APBA2: variants seen among roughly 807,000 people sequenced by gnomAD.
APBA2 encodes amyloid-beta A4 precursor protein-binding family A member 2.
In APBA2, 30 loss-of-function variants were observed where a neutral mutation model predicts 75.0. That is an observed-to-expected ratio of 0.40 (90% CI 0.30 to 0.54). APBA2 has a LOEUF of 0.54. Ranked by LOEUF, APBA2 falls within the 20% of genes least tolerant of loss-of-function variation. The pLI is 0.49. For synonymous variants in APBA2, 444 were observed against 409.6 expected (o/e 1.08, Z -1.01); for missense variants, 801 against 1,016.1 (o/e 0.79, Z 2.88).
At chr15:29,000,589 G>A (rs569045455) in intron 3 of APBA2, among the ~76,000 whole-genome samples, 1 of 152,112 alleles carries the variant, frequency 6.6e-6, no homozygotes, top group South Asian at 2.1e-4. Flanking sequence ...TGAAATGGGT[G>A]GGATTTATTG....
intron 1 of APBA2, among the ~76,000 whole-genome samples, chr15:28,908,555 C>T (rs1185341363): frequency 2.6e-5 from 4 of 151,998 alleles, no homozygotes; most frequent in African/African-American, 7.3e-5. Context: ...GTGATCCACC[C>T]GCCTCCGCCT....
At chr15:29,091,000 G>T (rs1018050761) in intron 6 of APBA2, among the ~76,000 whole-genome samples, 1 of 152,146 alleles carries the variant, frequency 6.6e-6, no homozygotes, top group Non-Finnish European at 1.5e-5. Context: ...TATGGTGGGG[G>T]TACTGCATTG....
chr15:28,969,188 T>TTTA (rs2036929529), intron 2 of APBA2, among the ~76,000 whole-genome samples: 1 of 104,508 alleles, frequency 9.6e-6, no homozygotes, highest in Non-Finnish European at 2.4e-5. Flanking sequence ...TTCTTTTTTT[T>TTTA]ATTTTTTATT....
chr15:28,952,126 T>C (rs2035921961), intron 2 of APBA2, among the ~76,000 whole-genome samples: 1 of 152,094 alleles, frequency 6.6e-6, no homozygotes, highest in Non-Finnish European at 1.5e-5. Flanking sequence ...CCTAGCCTTC[T>C]GATCACTCAT....
At chr15:29,063,201 G>A (rs1293792339) in intron 4 of APBA2, among the ~76,000 whole-genome samples, 1 of 118,060 alleles carries the variant, frequency 8.5e-6, no homozygotes, top group Non-Finnish European at 1.9e-5. Flanking sequence ...CTGTATGGGT[G>A]GGGAGGGGAG....
chr15:29,101,597 A>G lies in APBA2; in HGVS notation c.1339-2A>G. On this transcript the variant is annotated splice_acceptor_variant, in intron 9 of 14. Coordinates refer to ENST00000683413, the MANE Select transcript of APBA2 (RefSeq NM_001353788.2). LOFTEE classifies it high-confidence loss of function. The stretch of plus-strand genomic sequence containing the variant: ...GACGTGGCACTGTCTCCCTCCCGAC[A>G]GGAAACCATGATGGACCACGCCTTG... The G allele has an allele frequency of 1.2e-6, 2 of 1,613,032 alleles. No individual in the cohort carries two copies. The highest frequency in any genetic ancestry group is 1.7e-6 in the Non-Finnish European group (2 of 1,179,738).
chr15:29,098,879 C>T (rs1341965830), intron 9 of APBA2, among the ~76,000 whole-genome samples: 1 of 152,200 alleles, frequency 6.6e-6, no homozygotes, highest in East Asian at 1.9e-4. Context: ...GAGGCAGCAG[C>T]CCCCACTATG....
intron 3 of APBA2, among the ~76,000 whole-genome samples, chr15:29,006,736 C>G (rs1181181890): frequency 6.6e-6 from 1 of 152,138 alleles, no homozygotes; most frequent in Admixed American, 6.5e-5. Context: ...GGAACCACCC[C>G]CATGATACAG....
At chr15:28,920,344 G>A (rs1233062414) in intron 1 of APBA2, among the ~76,000 whole-genome samples, 1 of 152,216 alleles carries the variant, frequency 6.6e-6, no homozygotes, top group Non-Finnish European at 1.5e-5. Flanking sequence ...GGGTGTGATG[G>A]GGCAAGGAAG....
intron 4 of APBA2, among the ~76,000 whole-genome samples, chr15:29,063,352 TGC>T (rs1566963269): frequency 5.7e-5 from 5 of 88,270 alleles, no homozygotes; most frequent in African/African-American, 2.7e-4. Context: ...GTATGGGTGG[TGC>T]AGGGAGTTGA....
rs571271664 is a variant in APBA2 at position 28,963,784 on chromosome 15, C to T, written c.-94-31969C>T. ...ATCCTGAACACTCTTCACTTAGCCC[C>T]GCTTCAATGTTAACATTATGCATAA... On this transcript the variant is annotated intron_variant, in intron 2 of 14. Transcript: ENST00000683413. Among the ~76,000 whole-genome samples, 5 of 152,106 alleles carry T rather than the reference C, an allele frequency of 3.3e-5. 1 individual carries two copies. The highest frequency in any genetic ancestry group is 1.9e-4 in the East Asian group (1 of 5,204).
chr15:28,952,956 T>C (rs1374908995), intron 2 of APBA2, among the ~76,000 whole-genome samples: 1 of 152,200 alleles, frequency 6.6e-6, no homozygotes, highest in African/African-American at 2.4e-5. Context: ...CCCTAGTCCA[T>C]GCTCTTTGTA....
chr15:28,986,900 G>A lies in APBA2; in HGVS notation c.-94-8853G>A, dbSNP rs147146876. Among the ~76,000 whole-genome samples the A allele has an allele frequency of 7.2e-5, 11 of 152,296 alleles. No homozygotes were observed. The Middle Eastern group carries it at 0.01, about 141-fold the overall frequency. ...TTTATTTCTCACAGTTCTGGATGTG[G>A]GAAGTCTAAGATCAAGGCGCCAACA... On this transcript the variant is annotated intron_variant, in intron 2 of 14. Transcript: ENST00000683413.
chr15:29,011,623 A>G (rs2039407634), intron 3 of APBA2, among the ~76,000 whole-genome samples: 1 of 152,186 alleles, frequency 6.6e-6, no homozygotes, highest in African/African-American at 2.4e-5. Flanking sequence ...CGATATATTC[A>G]TGAGGAAAAA....
At chr15:29,019,969 C>T (rs2039869178) in intron 3 of APBA2, among the ~76,000 whole-genome samples, 1 of 152,238 alleles carries the variant, frequency 6.6e-6, no homozygotes, top group Admixed American at 6.5e-5. Context: ...TATAACTTTG[C>T]AGATGTGATA....
In APBA2 at chr15:29,093,885, C is replaced by T. The variant is rs934893259; in HGVS notation, c.1216-393C>T. ...AGCAGAGAAGCACCATGAGGCCATC[C>T]GGGGTGGGCAGGAGAAAGCCAGGTA... On this transcript the variant is annotated intron_variant, in intron 7 of 14. Transcript: ENST00000683413. 2.0e-5 allele frequency among the ~76,000 whole-genome samples: 3 copies of T among 152,152 alleles called. No homozygotes were observed. The East Asian group carries it at 5.8e-4, about 29-fold the overall frequency.
At chr15:28,986,653 G>A (rs1308973801) in intron 2 of APBA2, among the ~76,000 whole-genome samples, 1 of 152,130 alleles carries the variant, frequency 6.6e-6, no homozygotes, top group African/African-American at 2.4e-5. Flanking sequence ...TTTTAGTAGA[G>A]ACGGGGTTTC....
At chr15:29,079,835 T>C (rs2043010359) in intron 6 of APBA2, among the ~76,000 whole-genome samples, 2 of 152,204 alleles carry the variant, frequency 1.3e-5, no homozygotes, top group Admixed American at 1.3e-4. Context: ...AAAAAAATAA[T>C]AGTAACAATG....
At chr15:29,111,489 T>C (rs1346294630) in intron 13 of APBA2, among the ~76,000 whole-genome samples, 1 of 152,012 alleles carries the variant, frequency 6.6e-6, no homozygotes, top group Non-Finnish European at 1.5e-5. Context: ...AGCAAATGAA[T>C]AGGCATGGTT....
Sources: allele counts gnomAD v4.1 joint callset (sites outside exome capture counted in the v4.1 genomes callset), GRCh38; gene constraint gnomAD v4.1.1; transcripts MANE v1.5; gene names NCBI Gene and HGNC (gene_info 2026-07-23, HGNC 2026-07-21).